PHF21B: variants seen among roughly 807,000 people sequenced by gnomAD.
PHF21B encodes PHD finger protein 4.
In PHF21B, 22 loss-of-function variants were observed where a neutral mutation model predicts 62.2. The observed-to-expected ratio is 0.35, with a 90% CI of 0.25 to 0.51. PHF21B has a LOEUF of 0.51. Among genes scored for constraint, PHF21B ranks in the 20% least tolerant of loss-of-function variants. PHF21B has a pLI of 0.97. For missense variants in PHF21B, 701 were observed against 707.9 expected (o/e 0.99, Z 0.11); for synonymous variants, 341 against 314.7 (o/e 1.08, Z -0.88).
intron 2 of PHF21B, among the ~76,000 whole-genome samples, chr22:44,938,399 G>T (rs1201012607): frequency 6.6e-6 from 1 of 152,214 alleles, no homozygotes; most frequent in Non-Finnish European, 1.5e-5. Context: ...ATGCATGGTT[G>T]ATTTTTGTAT....
chr22:44,998,798 C>T (rs1295742460), intron 2 of PHF21B, among the ~76,000 whole-genome samples: 1 of 152,174 alleles, frequency 6.6e-6, no homozygotes, highest in African/African-American at 2.4e-5. Context: ...GACAACAGCT[C>T]TCTCTACTCA....
chr22:45,006,415 A>T (rs898387167), intron 2 of PHF21B, among the ~76,000 whole-genome samples: 37 of 152,326 alleles, frequency 2.4e-4, no homozygotes, highest in African/African-American at 8.2e-4. Flanking sequence ...GTTCGCAAGC[A>T]AGCCTCCTTC....
At chr22:44,967,886 T>C (rs946700568) in intron 2 of PHF21B, among the ~76,000 whole-genome samples, 1 of 152,204 alleles carries the variant, frequency 6.6e-6, no homozygotes, top group Non-Finnish European at 1.5e-5. Context: ...GGGTCAGGAA[T>C]TTCGCAGAAT....
In PHF21B at chr22:45,009,911, C is replaced by T. The variant is rs1018384282; in HGVS notation, c.-362G>A. The stretch of plus-strand genomic sequence containing the variant: ...CCGCCGCCTCCTCCCGCGCGAGCCT[C>T]CCGCGGGCAGGGACTATATTTCCTC... On this transcript the variant is annotated 5_prime_UTR_variant, in exon 1 of 13. Transcript: ENST00000313237. This position sits in a 1 kb window ranked among gnomAD's most constrained non-coding sequence, Gnocchi z 5.9. The T allele has an allele frequency of 2.7e-5, 4 of 146,580 alleles. No individual in the cohort carries two copies. Among genetic ancestry groups the T allele is most frequent in the African/African-American group, 7.4e-5 (3 of 40,648 alleles). 9.1% of individuals were successfully genotyped at this position (146,580 alleles called of 1,614,324 possible).
chr22:44,987,209 G>GA (rs1415618588), intron 2 of PHF21B, among the ~76,000 whole-genome samples: 2 of 152,194 alleles, frequency 1.3e-5, no homozygotes, highest in Non-Finnish European at 2.9e-5. Flanking sequence ...GAAAGCTGCT[G>GA]AGGGGTGAAT....
Position 44,896,176 on chromosome 22 carries a change from T to C in PHF21B, c.832-93A>G, listed in dbSNP as rs1365223251. 12 of 1,409,376 alleles carry C rather than the reference T, an allele frequency of 8.5e-6. No individual in the cohort carries two copies. The East Asian group carries it at 2.5e-4, about 30-fold the overall frequency. The allele number at this position is 1,409,376 out of a possible 1,614,324, so 87.3% of individuals were successfully genotyped here. A position where few individuals can be genotyped will look rare whatever the true frequency, so the allele number is the denominator to read the frequency against. On this transcript the variant is annotated intron_variant, in intron 5 of 12. Transcript: ENST00000313237. ...ATCTGCTGTGGCAGGTGCAGGGCGA[T>C]ACCTCATGGGTGCCCTAACCACAGA...
At chr22:44,989,808 C>T (rs2073014617) in intron 2 of PHF21B, among the ~76,000 whole-genome samples, 1 of 152,088 alleles carries the variant, frequency 6.6e-6, no homozygotes, top group African/African-American at 2.4e-5. Flanking sequence ...CAGGGTTTCA[C>T]CATGTTGACT....
At chr22:44,968,233 A>G (rs1026383722) in intron 2 of PHF21B, among the ~76,000 whole-genome samples, 30 of 152,206 alleles carry the variant, frequency 2.0e-4, no homozygotes, top group Admixed American at 1.6e-3. Flanking sequence ...TGCATGGAAG[A>G]TTTGTCTCGT....
intron 2 of PHF21B, among the ~76,000 whole-genome samples, chr22:44,938,538 A>G (rs1022920531): frequency 1.3e-5 from 2 of 152,208 alleles, no homozygotes; most frequent in Non-Finnish European, 2.9e-5. Flanking sequence ...CAAAAAATCT[A>G]TATATTTTAA....
At chr22:44,902,041 C>T in intron 5 of PHF21B, 1 of 236,036 alleles carries the variant, frequency 4.2e-6, no homozygotes, top group Admixed American at 4.6e-5. Context: ...TCACTGGACA[C>T]CACAGAGGCA....
At chr22:44,890,762 T>C (rs2070949054) in intron 8 of PHF21B, among the ~76,000 whole-genome samples, 1 of 152,260 alleles carries the variant, frequency 6.6e-6, no homozygotes, top group African/African-American at 2.4e-5. Flanking sequence ...GGTAGAGGCC[T>C]GAGGCCAGGT....
Position 44,882,763 on chromosome 22 carries a change from C to T in PHF21B, c.*323G>A. The T allele has an allele frequency of 6.8e-6, 2 of 294,196 alleles. No individual in the cohort carries two copies. Among genetic ancestry groups the T allele is most frequent in the South Asian group, 1.2e-4 (2 of 17,342 alleles). 18.2% of individuals were successfully genotyped at this position (294,196 alleles called of 1,614,324 possible). On this transcript the variant is annotated 3_prime_UTR_variant, in exon 13 of 13. Transcript: ENST00000313237. ...AGCCTCAGCCTGCCCCTCCAACGGG[C>T]CAGAGGGAGGCCGTGGAGAGCAGGG...
intron 2 of PHF21B, among the ~76,000 whole-genome samples, chr22:44,960,571 A>G (rs566633189): frequency 3.3e-5 from 5 of 152,324 alleles, no homozygotes; most frequent in Non-Finnish European, 5.9e-5. Context: ...CACTGTGTCA[A>G]CTGGACTGGA....
chr22:44,929,131 T>C (rs1288199710), intron 2 of PHF21B, among the ~76,000 whole-genome samples: 6 of 152,260 alleles, frequency 3.9e-5, no homozygotes. Context: ...TGCTGTGATG[T>C]GTGGCAAAGA....
At chr22:45,000,319 G>A (rs2147526808) in intron 2 of PHF21B, among the ~76,000 whole-genome samples, 1 of 152,206 alleles carries the variant, frequency 6.6e-6, no homozygotes, top group South Asian at 2.1e-4. Context: ...CCGAGACACT[G>A]CCCCATACAT....
intron 2 of PHF21B, among the ~76,000 whole-genome samples, chr22:44,975,604 A>G (rs2072722876): frequency 6.6e-6 from 1 of 152,182 alleles, no homozygotes; most frequent in South Asian, 2.1e-4. Flanking sequence ...AGCTTCTTCC[A>G]GCTCATCTCA....
intron 2 of PHF21B, among the ~76,000 whole-genome samples, chr22:44,936,709 C>T (rs949148183): frequency 6.6e-6 from 1 of 151,970 alleles, no homozygotes; most frequent in Non-Finnish European, 1.5e-5. Flanking sequence ...TGATTTTCAC[C>T]CCCCCAGGTT....
At chr22:44,971,598 G>C (rs1273683928) in intron 2 of PHF21B, 1 of 152,538 alleles carries the variant, frequency 6.6e-6, no homozygotes, top group East Asian at 1.9e-4. Flanking sequence ...AGGGCTTCCA[G>C]TGCCTTGGGG....
intron 9 of PHF21B, 109 bp from the exon 10 acceptor site, chr22:44,888,230 C>T (rs1037394973): frequency 1.7e-6 from 2 of 1,205,384 alleles, no homozygotes; most frequent in Middle Eastern, 3.0e-4. Context: ...TGTGGCCGCT[C>T]TTCTGCCAAC....
Sources: gnomAD v4.1 joint callset for allele counts (sites outside exome capture counted in the v4.1 genomes callset) on GRCh38, gnomAD v4.1.1 for gene constraint, Gnocchi (gnomAD v3.1) non-coding constraint, MANE v1.5 for transcripts, NCBI Gene and HGNC (gene_info 2026-07-23, HGNC 2026-07-21) for gene names.